RYR3: variants seen among roughly 807,000 people sequenced by gnomAD.
The protein encoded by RYR3 is ryanodine receptor 3.
Under a neutral mutation model 584.3 loss-of-function variants are expected in RYR3, and 207 were observed. The ratio of observed to expected loss-of-function variants is 0.35; its 90% CI spans 0.32 to 0.40. The LOEUF is 0.40. Ranked by LOEUF, RYR3 falls within the 10% of genes least tolerant of loss-of-function variation. The pLI, the probability that RYR3 is intolerant of heterozygous loss-of-function variation, is 1.00. For synonymous variants in RYR3, 2,416 were observed against 2,248.5 expected, an observed-to-expected ratio of 1.07 and a Z score of -2.11; for missense variants, 5,616 against 6,089.2, an observed-to-expected ratio of 0.92 and a Z score of 2.59.
chr15:33,718,724 G>GT (rs1302898819), intron 43 of RYR3, among the ~76,000 whole-genome samples: 12 of 152,320 alleles, frequency 7.9e-5, no homozygotes, highest in African/African-American at 2.6e-4. Context: ...TGTCCCTGTG[G>GT]TGGGTATGAC....
At chr15:33,496,805 C>G (rs892607601) in intron 2 of RYR3, among the ~76,000 whole-genome samples, 8 of 152,060 alleles carry the variant, frequency 5.3e-5, no homozygotes, top group African/African-American at 1.9e-4. Context: ...TCACATCATC[C>G]CTGGGAAAGT....
In RYR3 at chr15:33,390,354, C is replaced by T. The variant is rs1373980015; in HGVS notation, c.51+79258C>T. On this transcript the variant is annotated intron_variant, in intron 1 of 103. Transcript: ENST00000634891. The surrounding 1 kb of genome is among the most constrained non-coding windows in gnomAD (Gnocchi z 4.2). ...ATACCTGGGGGTCTCTAAATTTCAC[C>T]TGACCTATTGAACACTAATATTTCC... is the stretch of plus-strand genomic sequence containing the variant. 6.6e-6 allele frequency among the ~76,000 whole-genome samples: 1 copy of T among 152,192 alleles called. No individual in the cohort carries two copies.
At chr15:33,841,714 G>A (rs561739322) in intron 90 of RYR3, 150 bp from the exon 91 acceptor site, 1 of 683,262 alleles carries the variant, frequency 1.5e-6, no homozygotes, top group South Asian at 2.2e-5. Context: ...TCCAGCCACT[G>A]TGGATTGATA....
intron 42 of RYR3, among the ~76,000 whole-genome samples, chr15:33,706,052 A>G (rs1441975192): frequency 1.3e-5 from 2 of 152,216 alleles, no homozygotes; most frequent in South Asian, 4.1e-4. Flanking sequence ...CTTGGAAACA[A>G]AAAATGAATT....
chr15:33,502,300 T>G (rs1358279070), intron 2 of RYR3, among the ~76,000 whole-genome samples: 4 of 152,220 alleles, frequency 2.6e-5, no homozygotes, highest in African/African-American at 9.6e-5. Context: ...TTCCATTATT[T>G]TTATTTTAAA....
At chr15:33,644,685 T>C (rs555682020) in intron 28 of RYR3, among the ~76,000 whole-genome samples, 166 bp downstream of exon 28, 4 of 152,320 alleles carry the variant, frequency 2.6e-5, no homozygotes, top group Admixed American at 6.5e-5. Flanking sequence ...GGCATCTTAA[T>C]TGGGACAGCT....
chr15:33,778,597 G>C (rs2074176909), intron 64 of RYR3, among the ~76,000 whole-genome samples: 2 of 152,236 alleles, frequency 1.3e-5, no homozygotes, highest in South Asian at 4.1e-4. Flanking sequence ...AAAGGCAGGG[G>C]AATAGGCCTG....
intron 1 of RYR3, among the ~76,000 whole-genome samples, chr15:33,321,684 A>ATT (rs1968985684): frequency 6.6e-6 from 1 of 152,160 alleles, no homozygotes; most frequent in South Asian, 2.1e-4. Context: ...TGGACTTAAT[A>ATT]GACGGGAAAT....
At chr15:33,584,348 T>C (rs747375389) in intron 14 of RYR3, 47 bp from the exon 15 acceptor site, 1 of 1,041,242 alleles carries the variant, frequency 9.6e-7, no homozygotes, top group Non-Finnish European at 1.5e-6. Context: ...CTCACGCCCA[T>C]CATTATATCC....
chr15:33,861,448 T>C (rs1490586347), intron 102 of RYR3, among the ~76,000 whole-genome samples: 2 of 151,688 alleles, frequency 1.3e-5, no homozygotes, highest in Non-Finnish European at 2.9e-5. Context: ...TCTCTTTCTC[T>C]ACTGGACTTC....
chr15:33,619,636 C>T (rs4780135), intron 19 of RYR3, among the ~76,000 whole-genome samples: 5,487 of 152,222 alleles, frequency 0.036, 174 homozygotes, highest in Admixed American at 0.09. Context: ...GTCAGTAATT[C>T]GAAAGTTCTA....
At chr15:33,812,637 A>G (rs989532795) in intron 72 of RYR3, among the ~76,000 whole-genome samples, 1 of 152,210 alleles carries the variant, frequency 6.6e-6, no homozygotes, top group African/African-American at 2.4e-5. Flanking sequence ...ACACAGAGAG[A>G]TGACGAGATA....
intron 102 of RYR3, among the ~76,000 whole-genome samples, chr15:33,862,377 T>C (rs1036559680): frequency 0.025 from 11 of 440 alleles, no homozygotes; most frequent in Non-Finnish European, 0.013. Context: ...ACCAGCTAAT[T>C]TTTTTTTTTG....
At position 33,696,460 on chromosome 15, in the gene RYR3, G is replaced by C. The variant is rs770680947; in HGVS notation, c.6103G>C (p.Glu2035Gln). ...RSLLSVRMGK[E>Q]EELLMINGLG... ...CCTCCTCAGTGTCAGGATGGGCAAG[G>C]AAGAGGAGTTGCTCATGATCAATGG... The change falls in exon 39 of 104, where the codon GAA becomes CAA. Residue 2035 changes from glutamate to glutamine, a missense_variant. Coordinates refer to ENST00000634891, the MANE Select transcript of RYR3 (RefSeq NM_001036.6). 13 of 1,614,004 alleles carry C rather than the reference G, an allele frequency of 8.1e-6. No homozygotes were observed. The highest frequency in any genetic ancestry group is 1.0e-5 in the Non-Finnish European group (12 of 1,179,896).
At chr15:33,444,697 A>G (rs1359353094) in intron 1 of RYR3, among the ~76,000 whole-genome samples, 1 of 152,216 alleles carries the variant, frequency 6.6e-6, no homozygotes, top group East Asian at 1.9e-4. Flanking sequence ...GCGGTGGGTC[A>G]ACCACCCACA....
intron 1 of RYR3, among the ~76,000 whole-genome samples, chr15:33,380,775 C>G (rs1367823270): frequency 6.6e-6 from 1 of 152,222 alleles, no homozygotes; most frequent in Non-Finnish European, 1.5e-5. Context: ...CACGTACGTA[C>G]ACTTCAGCCA....
Position 33,700,986 on chromosome 15 carries a change from C to G in RYR3, c.6389C>G (p.Ser2130Trp), listed in dbSNP as rs753884154. The G allele has an allele frequency of 1.2e-6, 2 of 1,612,102 alleles. No homozygotes were observed. The highest frequency in any genetic ancestry group is 1.1e-5 in the South Asian group (1 of 90,674). ...TCCCCTCCTCCCTCAGCCTCCCCGTCGATGAGGGGATCCACCCCGCTGGAT... is the reference window on the plus strand; with the variant it reads ...TCCCCTCCTCCCTCAGCCTCCCCGTGGATGAGGGGATCCACCCCGCTGGAT... ...ENSSVGLASP[S>W]MRGSTPLDVA... The change falls in exon 42 of 104, where the codon TCG becomes TGG. Residue 2130 changes from serine to tryptophan, a missense_variant. Physicochemically the swap from Ser to Trp is radical, Grantham distance 177 (BLOSUM62 -3). This residue lies in a region of RYR3 where 1,280 missense variants were observed against 1,426.2 expected (regional missense o/e 0.90). Transcript: ENST00000634891.
intron 60 of RYR3, among the ~76,000 whole-genome samples, chr15:33,762,317 T>C (rs751735464): frequency 9.9e-5 from 15 of 152,168 alleles, no homozygotes; most frequent in Non-Finnish European, 1.6e-4. Context: ...AGGCAAATCA[T>C]CTCTGTTTGC....
intron 19 of RYR3, among the ~76,000 whole-genome samples, chr15:33,616,589 G>A (rs1471628897): frequency 1.3e-5 from 2 of 152,202 alleles, no homozygotes; most frequent in Admixed American, 6.5e-5. Flanking sequence ...CAACTGCTGA[G>A]GAAATTTAAG....
Sources: allele counts gnomAD v4.1 joint callset (sites outside exome capture counted in the v4.1 genomes callset), GRCh38; gene constraint gnomAD v4.1.1; regional missense constraint gnomAD v4.1.1; non-coding constraint Gnocchi (gnomAD v3.1); transcripts MANE v1.5; gene names NCBI Gene and HGNC (gene_info 2026-07-23, HGNC 2026-07-21).